ANKS3: variants seen among roughly 807,000 people sequenced by gnomAD.
ANKS3 encodes the protein ankyrin repeat and SAM domain-containing protein 3.
A neutral mutation model predicts 80.7 loss-of-function variants in ANKS3; 62 were observed. The ratio of observed to expected loss-of-function variants is 0.77; its 90% CI spans 0.63 to 0.95. The LOEUF (loss-of-function observed/expected upper bound fraction) is 0.95. Among genes scored for constraint, ANKS3 ranks in the 40% least tolerant of loss-of-function variants. The probability of loss-of-function intolerance (pLI) is 0.00; values close to 1 mark genes in which losing one functional copy is unlikely to be tolerated. For synonymous variants in ANKS3, 489 were observed against 355.3 expected, an observed-to-expected ratio of 1.38 and a Z score of -4.23; for missense variants, 1,150 against 883.6, an observed-to-expected ratio of 1.30 and a Z score of -3.82.
Position 4,701,093 on chromosome 16 carries a change from A to G in ANKS3, c.1161T>C (p.Ala387=). 6.2e-7 allele frequency: 1 copy of G among 1,614,028 alleles called. No homozygotes were observed. Among genetic ancestry groups the G allele is most frequent in the Non-Finnish European group, 8.5e-7 (1 of 1,180,024 alleles). ...HACKSSARKQ[A]KSYMKTKNPD... ...GATTCTTGGTCTTCATGTAACTTTT[A>G]GCTTGTTTGCGAGCTGAGCTTTTAC... The change falls in exon 11 of 18, where the codon GCT becomes GCC. Residue 387 remains alanine, a synonymous_variant. Coordinates refer to ENST00000304283, the MANE Select transcript of ANKS3 (RefSeq NM_133450.4).
intron 7 of ANKS3, among the ~76,000 whole-genome samples, chr16:4,705,876 G>C (rs1284081114): frequency 6.6e-6 from 1 of 151,990 alleles, no homozygotes; most frequent in Non-Finnish European, 1.5e-5. Context: ...TAAAATATAT[G>C]GTAATATAAG....
intron 11 of ANKS3, 109 bp from the exon 12 acceptor site, chr16:4,699,285 T>A (rs532329584): frequency 6.9e-7 from 1 of 1,439,424 alleles, no homozygotes; most frequent in Non-Finnish European, 9.4e-7. Context: ...ACCAAGACAG[T>A]GCCTTGTGTG....
At chr16:4,697,193 T>G (rs1289595803) in intron 16 of ANKS3, 89 bp from the exon 17 acceptor site, 6 of 1,562,070 alleles carry the variant, frequency 3.8e-6, no homozygotes, top group Non-Finnish European at 5.3e-6. Context: ...GGATGTGACC[T>G]GCCCCTCACC....
chr16:4,712,243 C>T (rs188428896), intron 7 of ANKS3, among the ~76,000 whole-genome samples: 18 of 152,010 alleles, frequency 1.2e-4, no homozygotes, highest in East Asian at 1.2e-3. Context: ...TAGTGGTGCA[C>T]GCCTGTGATC....
Position 4,701,431 on chromosome 16 carries a change from T to C in ANKS3, c.1119+3A>G. The C allele has an allele frequency of 1.3e-6, 2 of 1,593,054 alleles. No individual in the cohort carries two copies. Among genetic ancestry groups the C allele is most frequent in the East Asian group, 2.2e-5 (1 of 44,452 alleles). ...GGGAGACCAAGAAAGAAAGAATCCG[T>C]ACCTCGTTGCTCTCCACAGAAGCTT... On this transcript the variant is annotated splice_donor_region_variant and intron_variant, in intron 10 of 17. Coordinates refer to ENST00000304283, the MANE Select transcript of ANKS3 (RefSeq NM_133450.4).
intron 3 of ANKS3, 175 bp downstream of exon 3, chr16:4,729,805 G>T: frequency 5.4e-6 from 3 of 551,980 alleles, no homozygotes; most frequent in Admixed American, 3.3e-5. Flanking sequence ...GAATAAAAAC[G>T]GCCTCTTTGT....
intron 6 of ANKS3, among the ~76,000 whole-genome samples, chr16:4,714,990 C>CAAAAAAAAAAAAAAAAAAAAAAA (rs753327026): frequency 5.5e-5 from 2 of 36,626 alleles, no homozygotes; most frequent in African/African-American, 3.0e-4. Context: ...GACTCTGTCT[C>CAAAAAAAAAAAAAAAAAAAAAAA]AAAAAAAAAA....
At chr16:4,709,283 G>A (rs2080363369) in intron 7 of ANKS3, among the ~76,000 whole-genome samples, 2 of 151,694 alleles carry the variant, frequency 1.3e-5, no homozygotes. Flanking sequence ...GCACATGCCT[G>A]TAATCCCAGC....
chr16:4,728,452 G>C (rs1329747508), intron 3 of ANKS3, among the ~76,000 whole-genome samples: 1 of 152,170 alleles, frequency 6.6e-6, no homozygotes, highest in Non-Finnish European at 1.5e-5. Flanking sequence ...CCTGATACCA[G>C]GGTTCAGTGG....
In ANKS3 at chr16:4,726,510, G is replaced by A. The variant is rs536291935; in HGVS notation, c.491+149C>T. The A allele has an allele frequency of 2.5e-5, 19 of 756,892 alleles. No individual in the cohort carries two copies. In the South Asian group the frequency reaches 2.9e-4, roughly 12 times the overall value. The allele number at this position is 756,892 out of a possible 1,614,324, so 46.9% of individuals were successfully genotyped here. On this transcript the variant is annotated intron_variant, in intron 5 of 17. Transcript: ENST00000304283. ...CAGATGTACGAAAAGGCCTGTGCCT[G>A]GAAGGACTCTGGTCCTACCCCTCAT...
intron 1 of ANKS3, 100 bp downstream of exon 1, chr16:4,733,838 T>C (rs2081800723): frequency 1.2e-6 from 1 of 820,634 alleles, no homozygotes; most frequent in Non-Finnish European, 1.5e-6. Context: ...AGGAGGTCTG[T>C]GAAAGCACCC....
At chr16:4,732,036 C>T (rs1226869189) in intron 1 of ANKS3, among the ~76,000 whole-genome samples, 1 of 152,162 alleles carries the variant, frequency 6.6e-6, no homozygotes, top group Non-Finnish European at 1.5e-5. Context: ...TTAAAGAATG[C>T]TTCCAAGCCC....
chr16:4,726,564 G>A, intron 5 of ANKS3, 95 bp downstream of exon 5: 1 of 1,371,142 alleles, frequency 7.3e-7, no homozygotes, highest in Non-Finnish European at 1.0e-6. Context: ...AAGCAGGGTG[G>A]CCCTAAACTC....
chr16:4,709,193 T>C (rs925391293), intron 7 of ANKS3, among the ~76,000 whole-genome samples: 5 of 151,676 alleles, frequency 3.3e-5, no homozygotes, highest in Admixed American at 6.6e-5. Flanking sequence ...GACCACCTTA[T>C]GTCGGGAGTT....
intron 3 of ANKS3, 73 bp from the exon 4 acceptor site, chr16:4,727,250 G>A (rs1368231909): frequency 3.3e-6 from 5 of 1,503,088 alleles, no homozygotes; most frequent in Non-Finnish European, 4.6e-6. Context: ...TGGTGGCGAG[G>A]CTAGGCCAGG....
chr16:4,732,253 G>A (rs2081657816), intron 1 of ANKS3, among the ~76,000 whole-genome samples: 1 of 152,122 alleles, frequency 6.6e-6, no homozygotes, highest in African/African-American at 2.4e-5. Flanking sequence ...TAACAGCCCT[G>A]GCCAACGAAG....
chr16:4,715,818 T>C (rs917083935), intron 6 of ANKS3, among the ~76,000 whole-genome samples: 2 of 151,980 alleles, frequency 1.3e-5, no homozygotes, highest in African/African-American at 4.8e-5. Flanking sequence ...TTTTTTTTAA[T>C]AGGATCTTGC....
At chr16:4,733,292 TTTA>T (rs1417523273) in intron 1 of ANKS3, among the ~76,000 whole-genome samples, 1 of 151,652 alleles carries the variant, frequency 6.6e-6, no homozygotes, top group African/African-American at 2.4e-5. Flanking sequence ...ATTTTATTTA[TTTA>T]TTATTATTTT....
chr16:4,699,207 G>A (rs776004941), intron 11 of ANKS3, 31 bp from the exon 12 acceptor site: 1 of 1,611,846 alleles, frequency 6.2e-7, no homozygotes, highest in Admixed American at 1.7e-5. Context: ...GTTGGGGGAG[G>A]TAGTGGCTGA....
Sources: gnomAD v4.1 joint callset for allele counts (sites outside exome capture counted in the v4.1 genomes callset) on GRCh38, gnomAD v4.1.1 for gene constraint, MANE v1.5 for transcripts, NCBI Gene and HGNC (gene_info 2026-07-23, HGNC 2026-07-21) for gene names.